The following MELK variants were observed in gnomAD, a reference collection of about 807,000 sequenced individuals.
MELK encodes maternal embryonic leucine zipper kinase.
Under a neutral mutation model 85.0 loss-of-function variants are expected in MELK, and 81 were observed. That is an observed-to-expected ratio of 0.95 (90% CI 0.80 to 1.15). The LOEUF is 1.15. Among genes scored for constraint, MELK ranks in the 50% most tolerant of loss-of-function variants. The pLI, the probability that MELK is intolerant of heterozygous loss-of-function variation, is 0.00. For synonymous variants in MELK, 252 were observed against 265.0 expected, an observed-to-expected ratio of 0.95 and a Z score of 0.48; for missense variants, 754 against 777.5, an observed-to-expected ratio of 0.97 and a Z score of 0.36.
chr9:36,639,790 CA>C (rs1189395580), intron 10 of MELK, among the ~76,000 whole-genome samples: 2 of 152,202 alleles, frequency 1.3e-5, no homozygotes, highest in Non-Finnish European at 2.9e-5. Context: ...CTTTCTCACA[CA>C]TATGCCTTGT....
At chr9:36,630,804 C>T (rs1222008439) in intron 9 of MELK, among the ~76,000 whole-genome samples, 1 of 151,858 alleles carries the variant, frequency 6.6e-6, no homozygotes, top group Non-Finnish European at 1.5e-5. Context: ...CAGGTGTGAA[C>T]CACCATGCCT....
intron 8 of MELK, among the ~76,000 whole-genome samples, chr9:36,617,499 A>G (rs1587453647): frequency 1.3e-5 from 2 of 152,018 alleles, no homozygotes; most frequent in South Asian, 2.1e-4. Context: ...CACTTGGCTA[A>G]TATTTTTTGT....
At chr9:36,673,390 C>G (rs1833063103) in intron 16 of MELK, among the ~76,000 whole-genome samples, 1 of 152,150 alleles carries the variant, frequency 6.6e-6, no homozygotes, top group African/African-American at 2.4e-5. Context: ...AGAGATATAA[C>G]TGACATATAA....
intron 7 of MELK, among the ~76,000 whole-genome samples, chr9:36,601,195 G>T (rs549190840): frequency 5.3e-5 from 8 of 152,050 alleles, no homozygotes; most frequent in Non-Finnish European, 1.0e-4. Flanking sequence ...TATTCAAATG[G>T]TATTAATTGT....
At chr9:36,608,277 CAAAAAAAAA>C (rs1161984583) in intron 8 of MELK, among the ~76,000 whole-genome samples, 19 of 38,918 alleles carry the variant, frequency 4.9e-4, no homozygotes, top group African/African-American at 1.4e-3. Context: ...GACTCTGTCT[CAAAAAAAAA>C]AAAAAAAAAA....
In MELK at chr9:36,596,563, G is replaced by GT. The variant is rs750016508; in HGVS notation, c.406-651dup. On this transcript the variant is annotated intron_variant, in intron 5 of 17. Transcript: ENST00000298048. ...TGAGCCACTGCGCCCGGCCCTTTTT[G>GT]TTTTTTTTGTTTTTTTTGTTTTTTT... Among the ~76,000 whole-genome samples the GT allele has an allele frequency of 3.7e-4, 39 of 106,158 alleles. 2 individuals are homozygous for GT. The highest frequency in any genetic ancestry group is 6.3e-4 in the Admixed American group (7 of 11,066). The allele number at this position is 106,158 out of a possible 152,430, so 69.6% of individuals were successfully genotyped here.
At chr9:36,620,719 T>G (rs554592147) in intron 8 of MELK, among the ~76,000 whole-genome samples, 1 of 151,782 alleles carries the variant, frequency 6.6e-6, no homozygotes, top group East Asian at 2.0e-4. Flanking sequence ...CCCAGCTAAT[T>G]TTTGTATTTT....
At position 36,643,005 on chromosome 9, in the gene MELK, C is replaced by T. The variant is rs758978381; in HGVS notation, c.843C>T (p.His281=). Reference sequence around the variant, plus strand: ...ATAATTTTTTTTTGTAGTTTATTCACCTCGATGATGATTGCGTAACAGAAC... The same window carrying T: ...ATAATTTTTTTTTGTAGTTTATTCATCTCGATGATGATTGCGTAACAGAAC... ...VEWQSKNPFI[H]LDDDCVTELS... Residue 281 remains histidine, a synonymous_variant, in exon 11 of 18, where the codon CAC becomes CAT. Coordinates refer to ENST00000298048, the MANE Select transcript of MELK (RefSeq NM_014791.4). 1.9e-6 allele frequency: 3 copies of T among 1,607,250 alleles called. No homozygotes were observed. The highest frequency in any genetic ancestry group is 2.5e-6 in the Non-Finnish European group (3 of 1,177,548).
At chr9:36,670,832 A>C (rs1420929991) in intron 15 of MELK, among the ~76,000 whole-genome samples, 166 bp from the exon 16 acceptor site, 4 of 151,196 alleles carry the variant, frequency 2.6e-5, no homozygotes, top group Non-Finnish European at 4.4e-5. Context: ...GCTCCTGTCC[A>C]GGGGGAGATG....
At chr9:36,631,236 G>T (rs983535741) in intron 9 of MELK, among the ~76,000 whole-genome samples, 1 of 152,050 alleles carries the variant, frequency 6.6e-6, no homozygotes, top group Non-Finnish European at 1.5e-5. Context: ...AATCCAAAGT[G>T]CTGGGATTAC....
At chr9:36,623,764 T>C (rs1827669313) in intron 8 of MELK, among the ~76,000 whole-genome samples, 1 of 152,250 alleles carries the variant, frequency 6.6e-6, no homozygotes, top group Non-Finnish European at 1.5e-5. Context: ...TGTCCATCTC[T>C]GGCCCTCAAA....
rs1829056377 is a variant in MELK, at chr9:36,635,626, AAAT to A, written c.834+2431_834+2433del. 2.6e-5 allele frequency among the ~76,000 whole-genome samples: 4 copies of A among 152,090 alleles called. No individual in the cohort carries two copies. In the South Asian group the frequency reaches 8.3e-4, roughly 32 times the overall value. ...AAATGTCAACACTTTGAAAAATGAAAAATAATATTATTATAAAAATAGTTTGAC... is the reference window on the plus strand; with the variant it reads ...AAATGTCAACACTTTGAAAAATGAAAAATATTATTATAAAAATAGTTTGAC... On this transcript the variant is annotated intron_variant, in intron 10 of 17. Coordinates refer to ENST00000298048, the MANE Select transcript of MELK (RefSeq NM_014791.4).
chr9:36,594,033 G>C (rs903739693), intron 4 of MELK, among the ~76,000 whole-genome samples: 6 of 152,190 alleles, frequency 3.9e-5, no homozygotes, highest in African/African-American at 1.4e-4. Flanking sequence ...ATGTGGAACT[G>C]TGAGGTCAAG....
At chr9:36,583,748 TA>T in intron 3 of MELK, 36 bp downstream of exon 3, 1 of 1,445,018 alleles carries the variant, frequency 6.9e-7, no homozygotes, top group Non-Finnish European at 9.7e-7. Context: ...AGTCCACTTA[TA>T]GATCAGTTTC....
chr9:36,595,593 T>G (rs1268227465), intron 5 of MELK, among the ~76,000 whole-genome samples: 2 of 140,882 alleles, frequency 1.4e-5, no homozygotes, highest in African/African-American at 5.3e-5. Flanking sequence ...TGTGTGACTT[T>G]ATAAATGTCT....
At chr9:36,620,287 C>G (rs1379782362) in intron 8 of MELK, among the ~76,000 whole-genome samples, 5 of 152,202 alleles carry the variant, frequency 3.3e-5, no homozygotes, top group Admixed American at 6.5e-5. Context: ...ATTTCCCAGA[C>G]ATCCCATCTT....
At chr9:36,615,899 C>T (rs1826700580) in intron 8 of MELK, among the ~76,000 whole-genome samples, 1 of 151,366 alleles carries the variant, frequency 6.6e-6, no homozygotes, top group African/African-American at 2.4e-5. Context: ...GGGCTCCTCA[C>T]ATCCCAGACG....
chr9:36,641,681 C>T (rs1829771819), intron 10 of MELK, among the ~76,000 whole-genome samples: 1 of 149,654 alleles, frequency 6.7e-6, no homozygotes, highest in African/African-American at 2.5e-5. Context: ...GATCTCAGCT[C>T]CCCACAACCT....
chr9:36,599,120 AC>A (rs1446159877), intron 6 of MELK, among the ~76,000 whole-genome samples: 4 of 151,982 alleles, frequency 2.6e-5, no homozygotes, highest in Non-Finnish European at 4.4e-5. Context: ...ACATGGCAAA[AC>A]CCCGTCTATA....
Sources: gnomAD v4.1 joint callset for allele counts (sites outside exome capture counted in the v4.1 genomes callset) on GRCh38, gnomAD v4.1.1 for gene constraint, MANE v1.5 for transcripts, NCBI Gene and HGNC (gene_info 2026-07-23, HGNC 2026-07-21) for gene names.